The following NT5C2 variants were observed in gnomAD, a reference collection of about 807,000 sequenced individuals.
NT5C2 encodes cytosolic purine 5'-nucleotidase.
NT5C2 carries 58 observed loss-of-function variants against 76.1 expected under a neutral mutation model. That is an observed-to-expected ratio of 0.76 (90% CI 0.62 to 0.95). The LOEUF (loss-of-function observed/expected upper bound fraction) is 0.95. NT5C2 is among the 40% of genes least tolerant of loss of function. The probability of loss-of-function intolerance (pLI) is 0.00; values close to 1 mark genes in which losing one functional copy is unlikely to be tolerated. For missense variants in NT5C2, 478 were observed against 690.3 expected (o/e 0.69, Z 3.45); for synonymous variants, 229 against 237.4 (o/e 0.96, Z 0.32).
At chr10:103,114,410 AAAAT>A (rs1053183138) in intron 4 of NT5C2, among the ~76,000 whole-genome samples, 3 of 152,120 alleles carry the variant, frequency 2.0e-5, no homozygotes, top group Admixed American at 1.3e-4. Flanking sequence ...CTCTGTCTCA[AAAAT>A]AAATAAATAA....
intron 3 of NT5C2, chr10:103,153,240 A>G (rs750372704): frequency 8.0e-5 from 97 of 1,208,276 alleles, no homozygotes; most frequent in Non-Finnish European, 1.0e-4. Flanking sequence ...CATGCAGATG[A>G]TACCTCTTCA....
intron 3 of NT5C2, among the ~76,000 whole-genome samples, chr10:103,144,033 T>C (rs1176384687): frequency 6.6e-6 from 1 of 152,194 alleles, no homozygotes; most frequent in African/African-American, 2.4e-5. Flanking sequence ...AATATCACCC[T>C]GTTATTACTG....
intron 3 of NT5C2, among the ~76,000 whole-genome samples, chr10:103,164,400 G>C (rs2085819017): frequency 1.3e-5 from 2 of 152,200 alleles, no homozygotes; most frequent in Admixed American, 6.5e-5. Context: ...TGGGATTACA[G>C]GCATGCGCCA....
Position 103,105,583 on chromosome 10 carries a change from A to G in NT5C2, c.389+123T>C, listed in dbSNP as rs977613334. 4 of 677,414 alleles carry G rather than the reference A, an allele frequency of 5.9e-6. No homozygotes were observed. In the African/African-American group the frequency reaches 7.2e-5, roughly 12 times the overall value. 42.0% of individuals were successfully genotyped at this position (677,414 alleles called of 1,614,324 possible). A position where few individuals can be genotyped will look rare whatever the true frequency, so the allele number is the denominator to read the frequency against. On this transcript the variant is annotated intron_variant, in intron 6 of 18. Transcript: ENST00000404739. ...AAATAACTGTTAACTAACCTTATGT[A>G]AGGGAATTTGCTCTTTAATGATGAA...
intron 13 of NT5C2, 66 bp from the exon 14 acceptor site, chr10:103,094,104 A>AGCCAC: frequency 8.0e-7 from 1 of 1,252,924 alleles, no homozygotes; most frequent in African/African-American, 1.5e-5. Context: ...TCACCCCACA[A>AGCCAC]CCCTCCCATC....
intron 3 of NT5C2, among the ~76,000 whole-genome samples, chr10:103,163,860 C>CAAAAA (rs1156583063): frequency 7.9e-5 from 4 of 50,392 alleles, no homozygotes; most frequent in East Asian, 1.1e-3. Flanking sequence ...ACTAAAAATA[C>CAAAAA]AAAAAAAAAA....
At chr10:103,162,658 C>T (rs908173165) in intron 3 of NT5C2, among the ~76,000 whole-genome samples, 2 of 152,088 alleles carry the variant, frequency 1.3e-5, no homozygotes, top group African/African-American at 2.4e-5. Context: ...AAAAACTAAA[C>T]GTATGCTTAA....
At chr10:103,178,509 G>A (rs1422233506) in intron 2 of NT5C2, among the ~76,000 whole-genome samples, 1 of 151,988 alleles carries the variant, frequency 6.6e-6, no homozygotes, top group Non-Finnish European at 1.5e-5. Flanking sequence ...AGCAGAGCTT[G>A]CAGTGAGCTG....
intron 3 of NT5C2, among the ~76,000 whole-genome samples, chr10:103,157,137 T>C (rs1591565075): frequency 1.3e-5 from 2 of 150,120 alleles, no homozygotes; most frequent in African/African-American, 2.4e-5. Flanking sequence ...ATTTAAAAAT[T>C]AGATCAATAG....
At chr10:103,113,793 T>G (rs764029094) in intron 4 of NT5C2, among the ~76,000 whole-genome samples, 27 of 152,358 alleles carry the variant, frequency 1.8e-4, no homozygotes, top group Non-Finnish European at 2.9e-4. Context: ...CCAGGAAGTC[T>G]TCTTAAAACC....
chr10:103,161,484 T>C (rs1008462620), intron 3 of NT5C2, among the ~76,000 whole-genome samples: 7 of 152,146 alleles, frequency 4.6e-5, no homozygotes, highest in Non-Finnish European at 5.9e-5. Context: ...GCCTGACCAA[T>C]AGAATATTAT....
At chr10:103,180,302 GAAAAT>G (rs1447118555) in intron 2 of NT5C2, among the ~76,000 whole-genome samples, 3 of 152,062 alleles carry the variant, frequency 2.0e-5, no homozygotes, top group Non-Finnish European at 4.4e-5. Flanking sequence ...CTGCTGGAAA[GAAAAT>G]AAAAAAGGCA....
At chr10:103,174,178 G>A (rs190902030) in intron 3 of NT5C2, among the ~76,000 whole-genome samples, 338 of 152,090 alleles carry the variant, frequency 2.2e-3, no homozygotes, top group African/African-American at 7.6e-3. Context: ...AGGCTGAGGT[G>A]GGGAGATCAC....
At chr10:103,124,985 A>T (rs927638426) in intron 4 of NT5C2, 1 of 159,254 alleles carries the variant, frequency 6.3e-6, no homozygotes, top group African/African-American at 2.4e-5. Context: ...GTTTTCCATG[A>T]GGCATTTTAT....
chr10:103,139,384 G>A (rs767183604), intron 4 of NT5C2, 22 bp downstream of exon 4: 1 of 1,522,596 alleles, frequency 6.6e-7, no homozygotes, highest in South Asian at 1.2e-5. Flanking sequence ...CAGTTCTTAA[G>A]CAATCAGAAA....
chr10:103,161,877 A>C (rs2084975234), intron 3 of NT5C2, among the ~76,000 whole-genome samples: 1 of 152,194 alleles, frequency 6.6e-6, no homozygotes, highest in African/African-American at 2.4e-5. Flanking sequence ...CACGGGCTGG[A>C]GAGAGAGGGA....
chr10:103,097,253 T>C, intron 11 of NT5C2, 38 bp downstream of exon 11: 1 of 1,448,812 alleles, frequency 6.9e-7, no homozygotes, highest in Non-Finnish European at 9.6e-7. Context: ...GCCAAAATAA[T>C]TCCACTGCAT....
intron 18 of NT5C2, chr10:103,090,251 G>A (rs1057293104): frequency 5.0e-5 from 16 of 320,538 alleles, no homozygotes; most frequent in Non-Finnish European, 9.1e-5. Context: ...ATGGTCTCTC[G>A]CTGTCACCCA....
intron 1 of NT5C2, among the ~76,000 whole-genome samples, chr10:103,183,508 CTTTT>C (rs541606520): frequency 2.5e-5 from 3 of 118,108 alleles, no homozygotes; most frequent in African/African-American, 3.2e-5. Context: ...TAAACAAATG[CTTTT>C]TTTTTTTTTT....
Sources: gnomAD v4.1 joint callset for allele counts (sites outside exome capture counted in the v4.1 genomes callset) on GRCh38, gnomAD v4.1.1 for gene constraint, MANE v1.5 for transcripts, NCBI Gene and HGNC (gene_info 2026-07-23, HGNC 2026-07-21) for gene names.